CDK5RAP2: variants seen among roughly 807,000 people sequenced by gnomAD.
CDK5RAP2 encodes CDK5 regulatory subunit associated protein 2.
A neutral mutation model predicts 232.9 loss-of-function variants in CDK5RAP2; 147 were observed. The ratio of observed to expected loss-of-function variants is 0.63; its 90% CI spans 0.55 to 0.72. The LOEUF (loss-of-function observed/expected upper bound fraction) is 0.72. Ranked by LOEUF, CDK5RAP2 falls within the 30% of genes least tolerant of loss-of-function variation. The pLI is 0.00. For synonymous variants in CDK5RAP2, 833 were observed against 833.7 expected, an observed-to-expected ratio of 1.00 and a Z score of 0.01; for missense variants, 2,195 against 2,231.5, an observed-to-expected ratio of 0.98 and a Z score of 0.33.
intron 5 of CDK5RAP2, among the ~76,000 whole-genome samples, chr9:120,545,402 GGT>G (rs1001566334): frequency 6.6e-6 from 1 of 152,190 alleles, no homozygotes; most frequent in Non-Finnish European, 1.5e-5. Flanking sequence ...AGGGGAGAAA[GGT>G]GAGCTCTGAG....
chr9:120,415,078 C>A lies in CDK5RAP2; in HGVS notation c.4259G>T (p.Arg1420Leu). ...EESIKTNEKL[R>L]KQLERQGSEF... is the part of the protein sequence containing the mutation. ...AGATCCTTGCCGTTCCAACTGTTTCCGTAGCTTCTCATTTGTTTTAATAGA... is the reference window on the plus strand; with the variant it reads ...AGATCCTTGCCGTTCCAACTGTTTCAGTAGCTTCTCATTTGTTTTAATAGA... The change falls in exon 28 of 38, where the codon CGG (arginine) becomes CTG (leucine). Residue 1420 changes from arginine to leucine, a missense_variant. Physicochemically the swap from Arg to Leu is moderately radical, Grantham distance 102. Transcript: ENST00000349780. 2 of 1,614,160 alleles carry A rather than the reference C, an allele frequency of 1.2e-6. No individual in the cohort carries two copies. The highest frequency in any genetic ancestry group is 1.7e-6 in the Non-Finnish European group (2 of 1,179,998).
intron 27 of CDK5RAP2, among the ~76,000 whole-genome samples, chr9:120,417,008 C>T (rs1175761202): frequency 4.6e-5 from 7 of 152,234 alleles, no homozygotes; most frequent in Admixed American, 2.0e-4. Flanking sequence ...GGTGGAATGT[C>T]GTAGCTCTCG....
rs2031685610 is a variant in CDK5RAP2 at position 120,389,244 on chromosome 9, C to T, written c.5674G>A (p.Gly1892Ser). The change falls in exon 38 of 38, where the codon GGC (glycine) becomes AGC (serine). Residue 1892 changes from glycine (G) to serine (S), a missense_variant. By Grantham distance (56) the Gly-to-Ser change is moderately conservative. Transcript: ENST00000349780. Reference sequence around the variant, plus strand: ...TTGGCTGAAAGTTCTTCTCAGGAGCCTGGTCTGCTGGGACTGCATGTTCCT... The same window carrying T: ...TTGGCTGAAAGTTCTTCTCAGGAGCTTGGTCTGCTGGGACTGCATGTTCCT... ...HPGTCSPSRP[G>S]S The T allele has an allele frequency of 6.2e-7, 1 of 1,612,584 alleles. No homozygotes were observed. The highest frequency in any genetic ancestry group is 8.5e-7 in the Non-Finnish European group (1 of 1,179,378).
At chr9:120,528,929 TC>T in intron 8 of CDK5RAP2, 132 bp from the exon 9 acceptor site, 1 of 707,246 alleles carries the variant, frequency 1.4e-6, no homozygotes. Flanking sequence ...AAAACAAGTG[TC>T]CCCTCCCTCT....
intron 6 of CDK5RAP2, among the ~76,000 whole-genome samples, chr9:120,536,979 A>G (rs1285557215): frequency 1.7e-4 from 23 of 136,744 alleles, no homozygotes; most frequent in Non-Finnish European, 2.8e-4. Context: ...TTCAGTTGGG[A>G]AAAAAAAAAA....
chr9:120,550,992 G>T (rs2132058009), intron 3 of CDK5RAP2, 90 bp from the exon 4 acceptor site: 1 of 792,630 alleles, frequency 1.3e-6, no homozygotes, highest in Non-Finnish European at 2.3e-6. Flanking sequence ...TGGATTACGA[G>T]GCTACAAAAC....
chr9:120,491,336 T>C lies in CDK5RAP2; in HGVS notation c.1453A>G (p.Ser485Gly), dbSNP rs1426116362. 3 of 1,613,622 alleles carry C rather than the reference T, an allele frequency of 1.9e-6. No homozygotes were observed. Among genetic ancestry groups the C allele is most frequent in the African/African-American group, 2.7e-5 (2 of 74,934 alleles). Residue 485 changes from serine to glycine, a missense_variant, in exon 13 of 38, where the codon AGT (serine) becomes GGT (glycine). By Grantham distance (56) the Ser-to-Gly change is moderately conservative (BLOSUM62 0). Coordinates refer to ENST00000349780, the MANE Select transcript of CDK5RAP2 (RefSeq NM_018249.6). ...AGCAACACGTCCTTCTGATTGGTAC[T>C]TTCTGTTAGATGTTTGATCACTTGC... ...QEQVIKHLTE[S>G]TNQKDVLLQK...
At chr9:120,441,949 G>T (rs1463743403) in intron 23 of CDK5RAP2, among the ~76,000 whole-genome samples, 1 of 152,134 alleles carries the variant, frequency 6.6e-6, no homozygotes, top group South Asian at 2.1e-4. Flanking sequence ...AGAGAAAGAG[G>T]AACTGGGGAG....
chr9:120,469,860 A>C (rs2037594769), intron 17 of CDK5RAP2, among the ~76,000 whole-genome samples: 1 of 152,196 alleles, frequency 6.6e-6, no homozygotes, highest in Non-Finnish European at 1.5e-5. Context: ...GGCTAACTCT[A>C]AACTGAGGGG....
intron 27 of CDK5RAP2, among the ~76,000 whole-genome samples, chr9:120,415,602 A>G (rs1010174192): frequency 6.6e-6 from 1 of 152,244 alleles, no homozygotes; most frequent in Non-Finnish European, 1.5e-5. Flanking sequence ...TATGTTATCC[A>G]TTTATCATTT....
chr9:120,574,949 G>A (rs1008605515), intron 1 of CDK5RAP2, among the ~76,000 whole-genome samples: 12 of 151,856 alleles, frequency 7.9e-5, no homozygotes, highest in Non-Finnish European at 1.8e-4. Context: ...ACGCCTTCCC[G>A]GAGGTTGGGG....
chr9:120,577,500 A>G (rs1020695557), intron 1 of CDK5RAP2, among the ~76,000 whole-genome samples: 1 of 152,214 alleles, frequency 6.6e-6, no homozygotes, highest in African/African-American at 2.4e-5. Flanking sequence ...GAAGATAGAT[A>G]GTGGTGACCG....
intron 28 of CDK5RAP2, among the ~76,000 whole-genome samples, chr9:120,413,335 G>A (rs2033966307): frequency 6.6e-6 from 1 of 152,196 alleles, no homozygotes; most frequent in Non-Finnish European, 1.5e-5. Flanking sequence ...TCTAACACAT[G>A]AGAGGCCGGT....
chr9:120,459,146 A>G (rs2036948772), intron 19 of CDK5RAP2, among the ~76,000 whole-genome samples: 1 of 152,236 alleles, frequency 6.6e-6, no homozygotes, highest in Non-Finnish European at 1.5e-5. Context: ...TTTCAGACAC[A>G]TATTATTTAA....
In CDK5RAP2 at chr9:120,412,911, C is replaced by T. The variant is rs540609656; in HGVS notation, c.4298-1437G>A. Among the ~76,000 whole-genome samples the T allele has an allele frequency of 2.0e-5, 3 of 152,336 alleles. No individual in the cohort carries two copies. In the South Asian group the frequency reaches 6.2e-4, roughly 32 times the overall value. On this transcript the variant is annotated intron_variant, in intron 28 of 37. Coordinates refer to ENST00000349780, the MANE Select transcript of CDK5RAP2 (RefSeq NM_018249.6). Reference sequence around the variant, plus strand: ...TGTCTCACCCCACCATCTTCCTCCACTCTCCCCTGCGAACTCTGGTATCTT... The same window carrying T: ...TGTCTCACCCCACCATCTTCCTCCATTCTCCCCTGCGAACTCTGGTATCTT...
In CDK5RAP2 at chr9:120,539,100, G is replaced by C. The variant is rs771565845; in HGVS notation, c.448C>G (p.Arg150Gly). The change falls in exon 6 of 38, where the codon CGA (arginine) becomes GGA (glycine). Residue 150 changes from arginine (R) to glycine (G), a missense_variant. Physicochemically the swap from Arg to Gly is moderately radical, Grantham distance 125. Coordinates refer to ENST00000349780, the MANE Select transcript of CDK5RAP2 (RefSeq NM_018249.6). ...TCTTCCACCTGCTGCACCTTCTTTC[G>C]AGCATCTTCTTTCACCCGCTGGATT... is the stretch of plus-strand genomic sequence containing the variant. ...SEIQRVKEDARKKVQQVEDLL... is the reference protein window; with the variant it reads ...SEIQRVKEDAGKKVQQVEDLL... 3.7e-6 allele frequency: 6 copies of C among 1,613,648 alleles called. No homozygotes were observed. In the East Asian group the frequency reaches 6.7e-5, roughly 18 times the overall value.
At chr9:120,464,527 G>T (rs1481286202) in intron 18 of CDK5RAP2, among the ~76,000 whole-genome samples, 1 of 152,112 alleles carries the variant, frequency 6.6e-6, no homozygotes, top group African/African-American at 2.4e-5. Flanking sequence ...ATTACCTCTG[G>T]TCTTGCTACT....
At chr9:120,396,460 A>C (rs187710319) in intron 35 of CDK5RAP2, among the ~76,000 whole-genome samples, 1 of 152,246 alleles carries the variant, frequency 6.6e-6, no homozygotes, top group African/African-American at 2.4e-5. Context: ...ATCATTTCCA[A>C]CTTGGCCTGG....
intron 3 of CDK5RAP2, among the ~76,000 whole-genome samples, chr9:120,556,073 T>C (rs1375620179): frequency 6.6e-6 from 1 of 152,090 alleles, no homozygotes; most frequent in Non-Finnish European, 1.5e-5. Flanking sequence ...AAAAGGGAAG[T>C]TGTTGATATT....
Sources: allele counts gnomAD v4.1 joint callset (sites outside exome capture counted in the v4.1 genomes callset), GRCh38; gene constraint gnomAD v4.1.1; transcripts MANE v1.5; gene names NCBI Gene and HGNC (gene_info 2026-07-23, HGNC 2026-07-21).